Variants in MIER2 observed in about 807,000 individuals in gnomAD.
The protein encoded by MIER2 is mesoderm induction early response protein 2.
A neutral mutation model predicts 67.6 loss-of-function variants in MIER2; 30 were observed. That is an observed-to-expected ratio of 0.44 (90% CI 0.33 to 0.60). MIER2 has a LOEUF of 0.60. Ranked by LOEUF, MIER2 falls within the 20% of genes least tolerant of loss-of-function variation. The pLI is 0.02. For synonymous variants in MIER2, 372 were observed against 312.6 expected, an observed-to-expected ratio of 1.19 and a Z score of -2.00; for missense variants, 702 against 745.1, an observed-to-expected ratio of 0.94 and a Z score of 0.67.
rs144519664 is a variant in MIER2, at chr19:334,514, C to G, written c.129G>C (p.Gln43His). Residue 43 changes from glutamine (Q) to histidine (H), a missense_variant, in exon 3 of 14, where the codon CAG (glutamine) becomes CAC (histidine). Coordinates refer to ENST00000264819, the MANE Select transcript of MIER2 (RefSeq NM_017550.3). ...GTGACAGGATCTCTGCGAGGTTGAA[C>G]TGATGGTCTCCAGAGCCCATGGACA... Reference protein sequence around the residue: ...AVVSMGSGDHQFNLAEILSQN... With the variant: ...AVVSMGSGDHHFNLAEILSQN... 3 of 1,614,100 alleles carry G rather than the reference C, an allele frequency of 1.9e-6. No individual in the cohort carries two copies. Among genetic ancestry groups the G allele is most frequent in the African/African-American group, 1.3e-5 (1 of 75,046 alleles).
chr19:309,439 C>A (rs1259674221), intron 10 of MIER2, among the ~76,000 whole-genome samples: 1 of 152,154 alleles, frequency 6.6e-6, no homozygotes, highest in Non-Finnish European at 1.5e-5. Context: ...CCCTCCAGGG[C>A]CCAGCGAATG....
chr19:344,614 C>CGCGCCCCTCCGGCCCCGGACGGGCCAG (rs1972661900), intron 1 of MIER2, 160 bp downstream of exon 1: 5 of 313,530 alleles, frequency 1.6e-5, no homozygotes, highest in Non-Finnish European at 2.3e-5. Context: ...GATGGAGCCC[C>CGCGCCCCTCCGGCCCCGGACGGGCCAG]GCGCCCCTCC....
rs57360893 is a variant in MIER2, at chr19:312,179, A to G, written c.889+12T>C. ...GGGCCGCAGCGGAAGGAAGGCCCAG[A>G]CCGCTGCTCACCTCGGATCACCTTC... On this transcript the variant is annotated intron_variant, in intron 9 of 13. Transcript: ENST00000264819. The G allele has an allele frequency of 0.011, 14,717 of 1,286,092 alleles. 708 individuals carry two copies. The highest frequency in any genetic ancestry group is 0.065 in the African/African-American group (2,392 of 36,864). 79.7% of individuals were successfully genotyped at this position (1,286,092 alleles called of 1,614,324 possible). A position where few individuals can be genotyped will look rare whatever the true frequency, so the allele number is the denominator to read the frequency against.
chr19:334,685 G>A (rs1972163079), intron 2 of MIER2, 143 bp from the exon 3 acceptor site: 1 of 1,050,532 alleles, frequency 9.5e-7, no homozygotes, highest in Non-Finnish European at 1.3e-6. Context: ...AACCCAACAG[G>A]ACACCCCACG....
chr19:325,735 C>G, intron 6 of MIER2, 31 bp from the exon 7 acceptor site: 1 of 1,613,728 alleles, frequency 6.2e-7, no homozygotes, highest in Non-Finnish European at 8.5e-7. Context: ...AATCAGGACA[C>G]TGAGGAGCAT....
chr19:309,827 GACAC>G (rs372532381), intron 10 of MIER2, among the ~76,000 whole-genome samples: 10 of 107,322 alleles, frequency 9.3e-5, no homozygotes, highest in Non-Finnish European at 1.3e-4. Flanking sequence ...GACGAGAAGG[GACAC>G]ACACACACAC....
rs1354876034 is a variant in MIER2, at chr19:334,423, G to A, written c.220C>T (p.Leu74=). 1.9e-6 allele frequency: 3 copies of A among 1,614,082 alleles called. No homozygotes were observed. Among genetic ancestry groups the A allele is most frequent in the Admixed American group, 3.3e-5 (2 of 60,008 alleles). ...ACCTGGGAGATGAAGTCCTTCTCCAGCTCCTCCTTGGGCTTGTCTGGGCAC... is the reference window on the plus strand; with the variant it reads ...ACCTGGGAGATGAAGTCCTTCTCCAACTCCTCCTTGGGCTTGTCTGGGCAC... ...SRCPDKPKEE[L]EKDFISQSND... is the part of the protein sequence containing the mutation. Residue 74 remains leucine, a synonymous_variant, in exon 3 of 14, where the codon CTG becomes TTG. Transcript: ENST00000264819.
intron 3 of MIER2, among the ~76,000 whole-genome samples, chr19:329,121 T>C (rs1170580162): frequency 6.6e-6 from 1 of 152,036 alleles, no homozygotes; most frequent in Admixed American, 6.6e-5. Context: ...GAACACTCCC[T>C]CTCATTCTCT....
intron 3 of MIER2, among the ~76,000 whole-genome samples, chr19:329,866 C>CAA (rs36067469): frequency 0.024 from 2,237 of 94,690 alleles, 75 homozygotes; most frequent in African/African-American, 0.08. Context: ...TACTCCGTCT[C>CAA]AAAAAAAAAA....
chr19:314,984 G>A (rs888121403), intron 7 of MIER2, among the ~76,000 whole-genome samples: 1 of 152,078 alleles, frequency 6.6e-6, no homozygotes, highest in East Asian at 1.9e-4. Flanking sequence ...GTGGGACTGA[G>A]CCCAGGAGGT....
At position 310,645 on chromosome 19, in the gene MIER2, G is replaced by A. The variant is rs994039008; in HGVS notation, c.984+1200C>T. ...AGCCCGGAGCTATAGAAACAGCCCAGAGTCCAGAAACACAGCCCGAAGCTC... is the reference window on the plus strand; with the variant it reads ...AGCCCGGAGCTATAGAAACAGCCCAAAGTCCAGAAACACAGCCCGAAGCTC... On this transcript the variant is annotated intron_variant, in intron 10 of 13. Coordinates refer to ENST00000264819, the MANE Select transcript of MIER2 (RefSeq NM_017550.3). 9.6e-5 allele frequency among the ~76,000 whole-genome samples: 8 copies of A among 83,732 alleles called. 1 individual carries two copies. Among genetic ancestry groups the A allele is most frequent in the Non-Finnish European group, 1.6e-4 (7 of 44,830 alleles). The allele number at this position is 83,732 out of a possible 152,430, so 54.9% of individuals were successfully genotyped here. A position where few individuals can be genotyped will look rare whatever the true frequency, so the allele number is the denominator to read the frequency against.
chr19:312,238 A>G lies in MIER2; in HGVS notation c.842T>C (p.Val281Ala), dbSNP rs774087026. The change falls in exon 9 of 14, where the codon GTG becomes GCG. Residue 281 changes from valine (V) to alanine (A), a missense_variant. By Grantham distance (64) the Val-to-Ala change is moderately conservative. Coordinates refer to ENST00000264819, the MANE Select transcript of MIER2 (RefSeq NM_017550.3). ...LYELVKCNFN[V>A]EEALRRLRFN... ...CCGCAGCCTTCGCAGGGCCTCCTCC[A>G]CATTGAAGTTGCATTTCACCAACTC... is the stretch of plus-strand genomic sequence containing the variant. The G allele has an allele frequency of 2.2e-5, 36 of 1,613,848 alleles. No individual in the cohort carries two copies. Among genetic ancestry groups the G allele is most frequent in the Admixed American group, 3.3e-5 (2 of 59,986 alleles).
chr19:326,768 T>C (rs2145474807), intron 5 of MIER2, 170 bp from the exon 6 acceptor site: 3 of 615,352 alleles, frequency 4.9e-6, no homozygotes, highest in South Asian at 4.0e-5. Flanking sequence ...GGATGCACCT[T>C]TGAAGAAAGA....
chr19:328,011 G>C, intron 3 of MIER2, 22 bp from the exon 4 acceptor site: 3 of 1,611,998 alleles, frequency 1.9e-6, no homozygotes, highest in Non-Finnish European at 2.5e-6. Context: ...AAGGGAACAA[G>C]GCCCCATCAG....
At chr19:325,111 C>A (rs377305221) in intron 7 of MIER2, among the ~76,000 whole-genome samples, 1 of 152,208 alleles carries the variant, frequency 6.6e-6, no homozygotes, top group South Asian at 2.1e-4. Context: ...CAGGGCAACA[C>A]AAATGAGACC....
At chr19:310,900 G>A (rs1295402998) in intron 10 of MIER2, among the ~76,000 whole-genome samples, 3 of 152,166 alleles carry the variant, frequency 2.0e-5, no homozygotes, top group Admixed American at 6.5e-5. Flanking sequence ...GGCTCCAAGT[G>A]TAGCCTGGGA....
chr19:336,845 A>C (rs561214032), intron 1 of MIER2, among the ~76,000 whole-genome samples: 9 of 152,196 alleles, frequency 5.9e-5, no homozygotes, highest in African/African-American at 2.2e-4. Context: ...AATGTTCAAT[A>C]TCTCTCTTTT....
intron 1 of MIER2, among the ~76,000 whole-genome samples, chr19:342,995 GTCTC>G (rs1568241590): frequency 6.6e-6 from 1 of 152,208 alleles, no homozygotes; most frequent in South Asian, 2.1e-4. Flanking sequence ...ACCCACCCAC[GTCTC>G]TCTCTGACCA....
intron 7 of MIER2, among the ~76,000 whole-genome samples, chr19:319,230 C>A (rs180944434): frequency 1.4e-5 from 2 of 146,222 alleles, no homozygotes; most frequent in African/African-American, 5.1e-5. Context: ...GGCGTGGTGG[C>A]GGGCGCCTGT....
Sources: gnomAD v4.1 joint callset for allele counts (sites outside exome capture counted in the v4.1 genomes callset) on GRCh38, gnomAD v4.1.1 for gene constraint, MANE v1.5 for transcripts, NCBI Gene and HGNC (gene_info 2026-07-23, HGNC 2026-07-21) for gene names.